SPTBN1: variants seen among roughly 807,000 people sequenced by gnomAD.
SPTBN1 encodes spectrin beta chain, non-erythrocytic 1.
A neutral mutation model predicts 266.4 loss-of-function variants in SPTBN1; 32 were observed. The ratio of observed to expected loss-of-function variants is 0.12; its 90% CI spans 0.09 to 0.16. The LOEUF is 0.16. Among genes scored for constraint, SPTBN1 ranks in the 10% least tolerant of loss-of-function variants. The pLI is 1.00. For synonymous variants in SPTBN1, 1,336 were observed against 1,162.2 expected (o/e 1.15, Z -3.04); for missense variants, 2,296 against 3,067.1 (o/e 0.75, Z 5.94).
In SPTBN1 at chr2:54,659,202, A is replaced by C; in HGVS notation, c.6292A>C (p.Arg2098=). Residue 2098 remains arginine (R), a synonymous_variant, in exon 31 of 36, where the codon AGG becomes CGG. Coordinates refer to ENST00000356805, the MANE Select transcript of SPTBN1 (RefSeq NM_003128.3). ...ACAGCAAGAGGAAGAGGAGAGGAAG[A>C]GGCGGCCGCCTTCTCCCGAGCCGAG... The part of the protein sequence containing the change: ...RRQQEEEERK[R]RPPSPEPSTK... The C allele has an allele frequency of 6.2e-7, 1 of 1,614,084 alleles. No individual in the cohort carries two copies. The highest frequency in any genetic ancestry group is 8.5e-7 in the Non-Finnish European group (1 of 1,179,972).
intron 2 of SPTBN1, among the ~76,000 whole-genome samples, chr2:54,553,925 C>T (rs1672720840): frequency 6.6e-6 from 1 of 152,178 alleles, no homozygotes; most frequent in African/African-American, 2.4e-5. Context: ...CTTAATCTTA[C>T]CTTGCCACAT....
At chr2:54,555,835 C>G (rs897398941) in intron 2 of SPTBN1, among the ~76,000 whole-genome samples, 8 of 152,198 alleles carry the variant, frequency 5.3e-5, no homozygotes, top group African/African-American at 1.9e-4. Flanking sequence ...CTGTTGATGT[C>G]TACCTGTGTT....
chr2:54,630,745 A>G, intron 15 of SPTBN1, 110 bp from the exon 16 acceptor site: 1 of 1,332,796 alleles, frequency 7.5e-7, no homozygotes, highest in Non-Finnish European at 1.0e-6. Context: ...TAGTCAAAGC[A>G]CAGATGGAGA....
intron 32 of SPTBN1, chr2:54,662,075 G>A (rs1681085823): frequency 1.0e-6 from 1 of 985,268 alleles, no homozygotes; most frequent in South Asian, 4.7e-5. Context: ...TTGTCACGTT[G>A]CATTCATGTT....
intron 2 of SPTBN1, among the ~76,000 whole-genome samples, chr2:54,564,788 A>G (rs1202869167): frequency 6.6e-6 from 1 of 152,146 alleles, no homozygotes; most frequent in Admixed American, 6.5e-5. Flanking sequence ...TTGAAGTTTC[A>G]GCGCTTGATC....
intron 15 of SPTBN1, 130 bp from the exon 16 acceptor site, chr2:54,630,725 A>G: frequency 1.7e-6 from 2 of 1,183,540 alleles, no homozygotes; most frequent in Non-Finnish European, 2.3e-6. Context: ...TGATTTTCCA[A>G]AAAAGCATGT....
At chr2:54,647,104 G>A (rs1285505183) in intron 23 of SPTBN1, 27 bp from the exon 24 acceptor site, 3 of 1,614,130 alleles carry the variant, frequency 1.9e-6, no homozygotes, top group Admixed American at 1.7e-5. Flanking sequence ...GGACCGCTAT[G>A]GTTGTGATGT....
intron 2 of SPTBN1, among the ~76,000 whole-genome samples, chr2:54,589,286 C>T (rs998330507): frequency 3.9e-5 from 6 of 152,100 alleles, no homozygotes; most frequent in South Asian, 2.1e-4. Context: ...CCTTGACGTA[C>T]GACTGTGACA....
At chr2:54,578,749 GGTGTGTGTGTGT>G (rs34536803) in intron 2 of SPTBN1, among the ~76,000 whole-genome samples, 9 of 147,532 alleles carry the variant, frequency 6.1e-5, no homozygotes, top group East Asian at 2.0e-4. Flanking sequence ...CTTCTGATGG[GGTGTGTGTGTGT>G]GTGTGTGTGT....
Position 54,670,062 on chromosome 2 carries a change from G to A in SPTBN1, c.*1493G>A, listed in dbSNP as rs1681635994. 6.6e-6 allele frequency: 1 copy of A among 152,196 alleles called. No homozygotes were observed. Among genetic ancestry groups the A allele is most frequent in the Non-Finnish European group, 1.5e-5 (1 of 68,038 alleles). The allele number at this position is 152,196 out of a possible 1,614,324, so 9.4% of individuals were successfully genotyped here. A position where few individuals can be genotyped will look rare whatever the true frequency, so the allele number is the denominator to read the frequency against. ...ACAAAGGCAGCCATTGACGGTATGT[G>A]AATGCCTGGGCATGGCTGTGTTCCA... On this transcript the variant is annotated 3_prime_UTR_variant, in exon 36 of 36. Coordinates refer to ENST00000356805, the MANE Select transcript of SPTBN1 (RefSeq NM_003128.3).
In SPTBN1 at chr2:54,666,074, C is replaced by T. The variant is rs1240457431; in HGVS notation, c.6819C>T (p.His2273=). 12 of 1,612,148 alleles carry T rather than the reference C, an allele frequency of 7.4e-6. No individual in the cohort carries two copies. The highest frequency in any genetic ancestry group is 5.5e-5 in the South Asian group (5 of 90,700). ...CCCTTGATTACAAAAAGAAGAAACA[C>T]GTATTCAAGCTAAGGTGAGAGTCGC... The part of the protein sequence containing the change: ...EVALDYKKKK[H]VFKLRLNDGN... The change falls in exon 34 of 36, where the codon CAC becomes CAT. Residue 2273 remains histidine, a synonymous_variant. Transcript: ENST00000356805.
Position 54,670,320 on chromosome 2 carries a change from T to G in SPTBN1, c.*1751T>G. ...AGTGACATACTTTTCCTGGGTTATC[T>G]GGGTATGTTGACTCCATGCCACTTG... On this transcript the variant is annotated 3_prime_UTR_variant, in exon 36 of 36. Coordinates refer to ENST00000356805, the MANE Select transcript of SPTBN1 (RefSeq NM_003128.3). 1 of 173,650 alleles carries G rather than the reference T, an allele frequency of 5.8e-6. No homozygotes were observed. The highest frequency in any genetic ancestry group is 1.2e-5 in the Non-Finnish European group (1 of 82,506). The allele number at this position is 173,650 out of a possible 1,614,324, so 10.8% of individuals were successfully genotyped here.
At chr2:54,654,430 C>A (rs1444515108) in intron 27 of SPTBN1, among the ~76,000 whole-genome samples, 1 of 152,126 alleles carries the variant, frequency 6.6e-6, no homozygotes, top group African/African-American at 2.4e-5. Context: ...CATATTTAAC[C>A]TCCAGTTCAC....
At chr2:54,563,864 A>C (rs566041296) in intron 2 of SPTBN1, among the ~76,000 whole-genome samples, 2 of 152,252 alleles carry the variant, frequency 1.3e-5, no homozygotes, top group Non-Finnish European at 2.9e-5. Flanking sequence ...GGCCTCCCCA[A>C]GTGCTGACCA....
chr2:54,486,421 C>A (rs529751654), intron 1 of SPTBN1, among the ~76,000 whole-genome samples: 2 of 152,094 alleles, frequency 1.3e-5, no homozygotes, highest in South Asian at 4.2e-4. Context: ...GTGACCTTAC[C>A]CCCAACCCTG....
chr2:54,581,056 C>T (rs922384197), intron 2 of SPTBN1, among the ~76,000 whole-genome samples: 2 of 151,552 alleles, frequency 1.3e-5, no homozygotes, highest in Admixed American at 1.3e-4. Flanking sequence ...CACGATCACG[C>T]CACTGCACTC....
At chr2:54,590,333 A>C (rs1335079572) in intron 2 of SPTBN1, among the ~76,000 whole-genome samples, 1 of 152,196 alleles carries the variant, frequency 6.6e-6, no homozygotes, top group East Asian at 1.9e-4. Context: ...TTCCCTCCTC[A>C]ACAATTTCAG....
Position 54,538,929 on chromosome 2 carries a change from T to G in SPTBN1, c.148+12363T>G, listed in dbSNP as rs2104388107. Among the ~76,000 whole-genome samples the G allele has an allele frequency of 2.0e-5, 3 of 152,312 alleles. 1 individual carries two copies. In the Middle Eastern group the frequency reaches 0.01, roughly 518 times the overall value. On this transcript the variant is annotated intron_variant, in intron 2 of 35. Coordinates refer to ENST00000356805, the MANE Select transcript of SPTBN1 (RefSeq NM_003128.3). The stretch of plus-strand genomic sequence containing the variant: ...TACATGTTTACCTATTGGTTCACTC[T>G]AAGTTTGCAGGAAACCCAAGCTCTC...
rs766783343 is a variant in SPTBN1 at position 54,624,826 on chromosome 2, C to T, written c.1205C>T (p.Ala402Val). ...TAGGCCTGGGAAAGACTGGAAAAAG[C>T]GGAACACGAAAGAGAACTGGCTTTG... ...INKAWERLEK[A>V]EHERELALRN... Residue 402 changes from alanine to valine, a missense_variant, in exon 11 of 36, where the codon GCG becomes GTG. Coordinates refer to ENST00000356805, the MANE Select transcript of SPTBN1 (RefSeq NM_003128.3). 2 of 1,614,026 alleles carry T rather than the reference C, an allele frequency of 1.2e-6. No homozygotes were observed. Among genetic ancestry groups the T allele is most frequent in the Non-Finnish European group, 8.5e-7 (1 of 1,179,994 alleles).
Sources: gnomAD v4.1 joint callset for allele counts (sites outside exome capture counted in the v4.1 genomes callset) on GRCh38, gnomAD v4.1.1 for gene constraint, MANE v1.5 for transcripts, NCBI Gene and HGNC (gene_info 2026-07-23, HGNC 2026-07-21) for gene names.